Variants in CRYBG1 observed in about 807,000 individuals in gnomAD.
CRYBG1 encodes the protein beta/gamma crystallin domain-containing protein 1.
In CRYBG1, 139 loss-of-function variants were observed where a neutral mutation model predicts 189.2. That is an observed-to-expected ratio of 0.73 (90% CI 0.64 to 0.85). CRYBG1 has a LOEUF of 0.85. CRYBG1 is among the 40% of genes least tolerant of loss of function. CRYBG1 has a pLI of 0.00. For missense variants in CRYBG1, 2,611 were observed against 2,675.8 expected, an observed-to-expected ratio of 0.98 and a Z score of 0.53; for synonymous variants, 1,023 against 1,017.1, an observed-to-expected ratio of 1.01 and a Z score of -0.11.
intron 1 of CRYBG1, among the ~76,000 whole-genome samples, chr6:106,440,589 C>T (rs1216648682): frequency 6.6e-6 from 1 of 152,122 alleles, no homozygotes; most frequent in African/African-American, 2.4e-5. Context: ...TCTTTCCATT[C>T]TTTGTTTCCC....
In CRYBG1 at chr6:106,508,063, A is replaced by G. The variant is rs574381790; in HGVS notation, c.313-3367A>G. ...AGACTTTGATACCAGCCTGGGCAAC[A>G]TGGTGAAACTCTCTACAAAAAAGTT... On this transcript the variant is annotated intron_variant, in intron 2 of 21. Coordinates refer to ENST00000633556, the MANE Select transcript of CRYBG1 (RefSeq NM_001371242.2). Among the ~76,000 whole-genome samples, 313 of 152,312 alleles carry G rather than the reference A, an allele frequency of 2.1e-3. 5 individuals carry two copies. The Middle Eastern group carries it at 0.065, about 31-fold the overall frequency.
At chr6:106,400,184 T>C (rs914189019) in intron 1 of CRYBG1, among the ~76,000 whole-genome samples, 1 of 149,080 alleles carries the variant, frequency 6.7e-6, no homozygotes, top group African/African-American at 2.5e-5. Context: ...CTCCCCATGT[T>C]GCTCAGGCTG....
At chr6:106,387,874 C>T (rs1009315626) in intron 1 of CRYBG1, among the ~76,000 whole-genome samples, 6 of 152,170 alleles carry the variant, frequency 3.9e-5, no homozygotes, top group Non-Finnish European at 4.4e-5. Context: ...CATCCATGAA[C>T]GTCACTCGTG....
At chr6:106,531,121 T>TG (rs1316749357) in intron 8 of CRYBG1, among the ~76,000 whole-genome samples, 3 of 152,240 alleles carry the variant, frequency 2.0e-5, no homozygotes, top group Admixed American at 1.3e-4. Context: ...TAAAGTGGTA[T>TG]GGAGTATCTC....
chr6:106,475,939 T>C (rs1018728557), intron 2 of CRYBG1, among the ~76,000 whole-genome samples: 18 of 152,260 alleles, frequency 1.2e-4, no homozygotes, highest in African/African-American at 4.1e-4. Flanking sequence ...CACCAACAAT[T>C]TCCACTGTGA....
chr6:106,548,771 T>C (rs1455409724), intron 13 of CRYBG1, among the ~76,000 whole-genome samples: 3 of 152,062 alleles, frequency 2.0e-5, no homozygotes, highest in East Asian at 1.9e-4. Context: ...ACTTTAAGTT[T>C]TAGGGTACAT....
chr6:106,475,449 G>A lies in CRYBG1; in HGVS notation c.312+23617G>A, dbSNP rs986405856. 4.6e-5 allele frequency among the ~76,000 whole-genome samples: 7 copies of A among 152,298 alleles called. 1 individual carries two copies. On this transcript the variant is annotated intron_variant, in intron 2 of 21. Coordinates refer to ENST00000633556, the MANE Select transcript of CRYBG1 (RefSeq NM_001371242.2). Reference sequence around the variant, plus strand: ...GGTAGTCAGGGAGGGCTCCTGGGCTGGGCTTTGCTGTGTGAATCAGAGTTG... The same window carrying A: ...GGTAGTCAGGGAGGGCTCCTGGGCTAGGCTTTGCTGTGTGAATCAGAGTTG...
At chr6:106,447,774 G>A (rs1771695717) in intron 1 of CRYBG1, among the ~76,000 whole-genome samples, 1 of 151,996 alleles carries the variant, frequency 6.6e-6, no homozygotes, top group Non-Finnish European at 1.5e-5. Context: ...CATTCGATAA[G>A]CCCCTATGTC....
intron 1 of CRYBG1, among the ~76,000 whole-genome samples, chr6:106,367,893 G>T (rs920169591): frequency 6.6e-6 from 1 of 151,982 alleles, no homozygotes; most frequent in Non-Finnish European, 1.5e-5. Flanking sequence ...TTTGAGCCCA[G>T]GAGTTATGAT....
chr6:106,378,142 T>C (rs1050423889), intron 1 of CRYBG1, among the ~76,000 whole-genome samples: 4 of 152,176 alleles, frequency 2.6e-5, no homozygotes, highest in African/African-American at 9.6e-5. Flanking sequence ...CACACAGCTC[T>C]CACCACTTCT....
intron 1 of CRYBG1, among the ~76,000 whole-genome samples, chr6:106,400,316 T>C (rs1473461062): frequency 6.6e-6 from 1 of 152,198 alleles, no homozygotes; most frequent in Non-Finnish European, 1.5e-5. Context: ...TAATTAAATA[T>C]GTTCACTTGC....
chr6:106,480,682 A>T (rs1772431890), intron 2 of CRYBG1, among the ~76,000 whole-genome samples: 1 of 144,214 alleles, frequency 6.9e-6, no homozygotes, highest in East Asian at 2.1e-4. Context: ...GAAAAAAAAA[A>T]ATTTGGCACC....
At position 106,551,894 on chromosome 6, in the gene CRYBG1, T is replaced by C. The variant is rs1774412246; in HGVS notation, c.5355T>C (p.Tyr1785=). The change falls in exon 14 of 22, where the codon TAT becomes TAC. Residue 1785 remains tyrosine, a synonymous_variant. Coordinates refer to ENST00000633556, the MANE Select transcript of CRYBG1 (RefSeq NM_001371242.2). ...YENPDFTGEQ[Y]ILDKGFYTSF... The stretch of plus-strand genomic sequence containing the variant: ...ATCCTGACTTCACAGGAGAACAGTA[T>C]ATACTGGATAAAGGATTTTATACCA... 3 of 1,611,842 alleles carry C rather than the reference T, an allele frequency of 1.9e-6. No homozygotes were observed. Among genetic ancestry groups the C allele is most frequent in the Non-Finnish European group, 2.5e-6 (3 of 1,178,256 alleles).
At chr6:106,366,358 C>T (rs1013148836) in intron 1 of CRYBG1, among the ~76,000 whole-genome samples, 2 of 152,114 alleles carry the variant, frequency 1.3e-5, no homozygotes, top group African/African-American at 4.8e-5. Context: ...TTTTATTTCA[C>T]CAGTGATAAA....
intron 3 of CRYBG1, among the ~76,000 whole-genome samples, chr6:106,518,200 T>C (rs956318668): frequency 3.3e-5 from 5 of 152,106 alleles, no homozygotes; most frequent in Non-Finnish European, 5.9e-5. Flanking sequence ...TAGAAACATA[T>C]AAAAATGTTA....
chr6:106,483,837 G>A (rs766598828), intron 2 of CRYBG1, among the ~76,000 whole-genome samples: 2 of 151,966 alleles, frequency 1.3e-5, no homozygotes, highest in African/African-American at 4.8e-5. Flanking sequence ...TGCCTATTAA[G>A]GTCTTTTGCC....
intron 1 of CRYBG1, among the ~76,000 whole-genome samples, chr6:106,450,340 A>G (rs796159215): frequency 4.2e-4 from 64 of 152,178 alleles, no homozygotes; most frequent in African/African-American, 1.4e-3. Context: ...ACTTTGCTCT[A>G]TTCCTCTTTA....
At chr6:106,470,405 A>T (rs1772207834) in intron 2 of CRYBG1, among the ~76,000 whole-genome samples, 1 of 152,096 alleles carries the variant, frequency 6.6e-6, no homozygotes, top group Admixed American at 6.6e-5. Flanking sequence ...TAAGGAGGAA[A>T]AGAAATATAA....
At chr6:106,439,071 A>G (rs1409360716) in intron 1 of CRYBG1, among the ~76,000 whole-genome samples, 3 of 151,750 alleles carry the variant, frequency 2.0e-5, no homozygotes, top group East Asian at 3.9e-4. Context: ...AAAAAAGAGA[A>G]AAATATTTTG....
Sources: gnomAD v4.1 joint callset for allele counts (sites outside exome capture counted in the v4.1 genomes callset) on GRCh38, gnomAD v4.1.1 for gene constraint, MANE v1.5 for transcripts, NCBI Gene and HGNC (gene_info 2026-07-23, HGNC 2026-07-21) for gene names.